PALS2: variants seen among roughly 807,000 people sequenced by gnomAD.
PALS2 encodes the protein protein PALS2.
Under a neutral mutation model 61.6 loss-of-function variants are expected in PALS2, and 27 were observed. The observed-to-expected ratio is 0.44, with a 90% confidence interval of 0.32 to 0.60. PALS2 has a LOEUF of 0.60. Ranked by LOEUF, PALS2 falls within the 20% of genes least tolerant of loss-of-function variation. The probability of loss-of-function intolerance (pLI) is 0.05; values close to 1 mark genes in which losing one functional copy is unlikely to be tolerated. For synonymous variants in PALS2, 236 were observed against 218.6 expected, an observed-to-expected ratio of 1.08 and a Z score of -0.70; for missense variants, 554 against 639.4, an observed-to-expected ratio of 0.87 and a Z score of 1.44.
chr7:24,691,596 G>T lies in PALS2; in HGVS notation c.*3982G>T, dbSNP rs969005296. 1 of 150,882 alleles carries T rather than the reference G, an allele frequency of 6.6e-6. No individual in the cohort carries two copies. The allele number at this position is 150,882 out of a possible 1,614,324, so 9.3% of individuals were successfully genotyped here. A position where few individuals can be genotyped will look rare whatever the true frequency, so the allele number is the denominator to read the frequency against. ...AACTTTTTTTAGATTGTTTTAAAAC[G>T]CTCTGGTTCCACCTTGAAGCTGATA... On this transcript the variant is annotated 3_prime_UTR_variant, in exon 12 of 12. Coordinates refer to ENST00000222644, the MANE Select transcript of PALS2 (RefSeq NM_001303037.2).
intron 1 of PALS2, among the ~76,000 whole-genome samples, chr7:24,614,890 A>G (rs1359462971): frequency 6.6e-6 from 1 of 151,988 alleles, no homozygotes; most frequent in Non-Finnish European, 1.5e-5. Flanking sequence ...ATTTATGACC[A>G]TATGTTAGGG....
At chr7:24,608,307 A>G (rs1783996870) in intron 1 of PALS2, among the ~76,000 whole-genome samples, 1 of 151,918 alleles carries the variant, frequency 6.6e-6, no homozygotes, top group Non-Finnish European at 1.5e-5. Flanking sequence ...GTGTTTCTAG[A>G]TTTGGGCCAT....
intron 1 of PALS2, among the ~76,000 whole-genome samples, chr7:24,585,447 C>G (rs1432730173): frequency 6.6e-6 from 1 of 152,050 alleles, no homozygotes; most frequent in Non-Finnish European, 1.5e-5. Flanking sequence ...GTTATTGATT[C>G]CAACTTCTGT....
At chr7:24,649,112 A>G (rs1293747953) in intron 3 of PALS2, among the ~76,000 whole-genome samples, 1 of 152,186 alleles carries the variant, frequency 6.6e-6, no homozygotes, top group Non-Finnish European at 1.5e-5. Flanking sequence ...TAAGATGCTA[A>G]TATTTATCCA....
intron 9 of PALS2, among the ~76,000 whole-genome samples, chr7:24,670,762 ATT>A (rs1331036322): frequency 2.0e-5 from 3 of 152,108 alleles, no homozygotes; most frequent in Non-Finnish European, 2.9e-5. Context: ...AGATTTGCTT[ATT>A]TTGGACATTT....
intron 2 of PALS2, among the ~76,000 whole-genome samples, chr7:24,636,466 CAGT>C (rs1301943125): frequency 5.3e-5 from 8 of 152,110 alleles, no homozygotes; most frequent in African/African-American, 9.7e-5. Context: ...ATTTGATACA[CAGT>C]AGGTGACTAT....
At position 24,573,611 on chromosome 7, in the gene PALS2, C is replaced by G. The variant is rs1391449064; in HGVS notation, c.-3+18C>G. On this transcript the variant is annotated intron_variant, in intron 1 of 11. Coordinates refer to ENST00000222644, the MANE Select transcript of PALS2 (RefSeq NM_001303037.2). This position sits in a 1 kb window ranked among gnomAD's most constrained non-coding sequence, Gnocchi z 5.3. ...GCGAGCCGGTGAGTTAACTGGACCC[C>G]CACGCCGCTCGGGTAACGGTCGCGC... 5.7e-6 allele frequency: 2 copies of G among 349,706 alleles called. No homozygotes were observed. Among genetic ancestry groups the G allele is most frequent in the African/African-American group, 4.3e-5 (2 of 46,222 alleles). The allele number at this position is 349,706 out of a possible 1,614,324, so 21.7% of individuals were successfully genotyped here.
intron 3 of PALS2, among the ~76,000 whole-genome samples, chr7:24,644,137 A>T (rs1457931183): frequency 6.8e-6 from 1 of 146,496 alleles, no homozygotes; most frequent in Non-Finnish European, 1.5e-5. Context: ...TTAGGGGTAC[A>T]TGTAAAGGTT....
intron 1 of PALS2, among the ~76,000 whole-genome samples, chr7:24,580,504 A>C (rs1782799896): frequency 2.0e-5 from 3 of 152,178 alleles, no homozygotes; most frequent in Non-Finnish European, 4.4e-5. Flanking sequence ...CACATACCTC[A>C]TTGATCCCCA....
chr7:24,627,719 T>C (rs1784811156), intron 2 of PALS2, among the ~76,000 whole-genome samples: 1 of 152,040 alleles, frequency 6.6e-6, no homozygotes, highest in African/African-American at 2.4e-5. Flanking sequence ...TAAACTACCA[T>C]CAGAAAATAC....
At chr7:24,677,426 G>A (rs1347861722) in intron 9 of PALS2, among the ~76,000 whole-genome samples, 1 of 151,762 alleles carries the variant, frequency 6.6e-6, no homozygotes, top group East Asian at 1.9e-4. Flanking sequence ...GGAGTGGTGA[G>A]AGAGGGCATC....
chr7:24,691,683 T>C lies in PALS2; in HGVS notation c.*4069T>C, dbSNP rs1788486876. ...GTCATTATTATAATAAATTTAATTT[T>C]CTTAGGGAAAAAGGGCAGGGTTCTG... On this transcript the variant is annotated 3_prime_UTR_variant, in exon 12 of 12. Coordinates refer to ENST00000222644, the MANE Select transcript of PALS2 (RefSeq NM_001303037.2). The C allele has an allele frequency of 6.6e-6, 1 of 151,774 alleles. No individual in the cohort carries two copies. The highest frequency in any genetic ancestry group is 1.5e-5 in the Non-Finnish European group (1 of 67,876). The allele number at this position is 151,774 out of a possible 1,614,324, so 9.4% of individuals were successfully genotyped here. A position where few individuals can be genotyped will look rare whatever the true frequency, so the allele number is the denominator to read the frequency against.
chr7:24,579,169 C>T (rs1782744806), intron 1 of PALS2, among the ~76,000 whole-genome samples: 1 of 152,168 alleles, frequency 6.6e-6, no homozygotes, highest in African/African-American at 2.4e-5. Flanking sequence ...TTGTAAGCAT[C>T]TGTAAAGGTA....
chr7:24,617,612 T>C (rs1784338613), intron 1 of PALS2, among the ~76,000 whole-genome samples: 1 of 152,148 alleles, frequency 6.6e-6, no homozygotes, highest in Non-Finnish European at 1.5e-5. Context: ...TCTTTGCAGA[T>C]TCTTCAGCAG....
At chr7:24,684,054 A>G (rs1455694336) in intron 11 of PALS2, among the ~76,000 whole-genome samples, 1 of 152,026 alleles carries the variant, frequency 6.6e-6, no homozygotes, top group East Asian at 1.9e-4. Context: ...CCAACTGCCC[A>G]CCTAGGTCTT....
At chr7:24,643,564 T>G (rs1161410017) in intron 3 of PALS2, among the ~76,000 whole-genome samples, 2 of 152,170 alleles carry the variant, frequency 1.3e-5, no homozygotes, top group Non-Finnish European at 2.9e-5. Context: ...ACACACCATA[T>G]TCAGACTTCT....
At chr7:24,668,770 T>C in intron 9 of PALS2, 110 bp downstream of exon 9, 2 of 1,312,636 alleles carry the variant, frequency 1.5e-6, no homozygotes, top group East Asian at 2.3e-5. Flanking sequence ...ATAAGTTTTC[T>C]TTATGGCAGT....
chr7:24,637,315 T>TC (rs1191540809), intron 2 of PALS2, among the ~76,000 whole-genome samples: 2 of 142,706 alleles, frequency 1.4e-5, no homozygotes, highest in African/African-American at 2.7e-5. Context: ...TTTTTTTTTT[T>TC]CAGAGCAAAG....
chr7:24,623,866 A>G, intron 2 of PALS2, 82 bp downstream of exon 2: 1 of 1,151,382 alleles, frequency 8.7e-7, no homozygotes. Flanking sequence ...ACTATTTTAG[A>G]ATTTGGTTGA....
Sources: gnomAD v4.1 joint callset for allele counts (sites outside exome capture counted in the v4.1 genomes callset) on GRCh38, gnomAD v4.1.1 for gene constraint, Gnocchi (gnomAD v3.1) non-coding constraint, MANE v1.5 for transcripts, NCBI Gene and HGNC (gene_info 2026-07-23, HGNC 2026-07-21) for gene names.